Variants in SYT11 observed in about 807,000 individuals in gnomAD.
The protein encoded by SYT11 is synaptotagmin-11.
A neutral mutation model predicts 30.4 loss-of-function variants in SYT11; 12 were observed. That is an observed-to-expected ratio of 0.39 (90% confidence interval 0.25 to 0.64). SYT11 has a LOEUF of 0.64. Ranked by LOEUF, SYT11 falls within the 30% of genes least tolerant of loss-of-function variation. The pLI is 0.45. For synonymous variants in SYT11, 204 were observed against 216.0 expected (o/e 0.94, Z 0.49); for missense variants, 412 against 552.0 (o/e 0.75, Z 2.54).
In SYT11 at chr1:155,859,735, G is replaced by C. The variant is rs780996156; in HGVS notation, c.-27G>C. On this transcript the variant is annotated 5_prime_UTR_variant, in exon 1 of 4. Transcript: ENST00000368324. ...AGAGCTGTCTCACCATTGCAAAAAC[G>C]TTATAGCAACAGCCTCTGATTACGA... The C allele has an allele frequency of 8.1e-6, 13 of 1,613,594 alleles. No individual in the cohort carries two copies. The highest frequency in any genetic ancestry group is 1.3e-5 in the African/African-American group (1 of 75,026).
chr1:155,881,426 C>G lies in SYT11; in HGVS notation c.1214C>G (p.Ala405Gly). ...RLILGAHSVT[A>G]SGAEHWREVC... ...ATCCTGGGGGCACACAGTGTCACAG[C>G]CAGTGGTGCTGAACACTGGAGAGAG... The change falls in exon 4 of 4, where the codon GCC becomes GGC. Residue 405 changes from alanine (A) to glycine (G), a missense_variant. Transcript: ENST00000368324. The G allele has an allele frequency of 1.9e-6, 3 of 1,614,038 alleles. No individual in the cohort carries two copies. The highest frequency in any genetic ancestry group is 2.5e-6 in the Non-Finnish European group (3 of 1,179,988).
At chr1:155,874,478 T>TGTGACAG (rs1553226161) in intron 2 of SYT11, among the ~76,000 whole-genome samples, 1 of 151,484 alleles carries the variant, frequency 6.6e-6, no homozygotes, top group Admixed American at 6.6e-5. Context: ...CACATGCCTG[T>TGTGACAG]AGTCCCATCT....
chr1:155,872,650 G>A (rs949858219), intron 2 of SYT11, among the ~76,000 whole-genome samples: 1 of 152,180 alleles, frequency 6.6e-6, no homozygotes, highest in Non-Finnish European at 1.5e-5. Context: ...AGGCCAAGGG[G>A]CTGGGAAACA....
Position 155,873,400 on chromosome 1 carries a change from T to TG in SYT11, c.861+4611dup, listed in dbSNP as rs1277214182. Among the ~76,000 whole-genome samples, 4 of 152,098 alleles carry TG rather than the reference T, an allele frequency of 2.6e-5. No homozygotes were observed. The East Asian group carries it at 5.8e-4, about 22-fold the overall frequency. ...AAGATCACGCCACTGCACTCCAGCC[T>TG]GGCGACAGAGCAAGACTCCGTCTCA... On this transcript the variant is annotated intron_variant, in intron 2 of 3. Coordinates refer to ENST00000368324, the MANE Select transcript of SYT11 (RefSeq NM_152280.5).
At chr1:155,877,116 C>T (rs1672876483) in intron 2 of SYT11, among the ~76,000 whole-genome samples, 1 of 151,796 alleles carries the variant, frequency 6.6e-6, no homozygotes, top group Non-Finnish European at 1.5e-5. Flanking sequence ...TACAGGCACC[C>T]GCCACCATGC....
chr1:155,860,984 A>G lies in SYT11; in HGVS notation c.34+1189A>G, dbSNP rs1174661912. On this transcript the variant is annotated intron_variant, in intron 1 of 3. Transcript: ENST00000368324. This position sits in a 1 kb window ranked among gnomAD's most constrained non-coding sequence, Gnocchi z 4.1. ...TTCCTTCAGGGATTCTATCCCTCAG[A>G]CAATCCAGTAGGTTTGAGCATCGGG... 1.3e-5 allele frequency among the ~76,000 whole-genome samples: 2 copies of G among 152,154 alleles called. No individual in the cohort carries two copies. The highest frequency in any genetic ancestry group is 2.9e-5 in the Non-Finnish European group (2 of 68,018).
chr1:155,883,467 G>A lies in SYT11; in HGVS notation c.*1959G>A, dbSNP rs1673014121. The A allele has an allele frequency of 6.6e-6, 1 of 152,248 alleles. No individual in the cohort carries two copies. Among genetic ancestry groups the A allele is most frequent in the African/African-American group, 2.4e-5 (1 of 41,446 alleles). 9.4% of individuals were successfully genotyped at this position (152,248 alleles called of 1,614,324 possible). ...GGAGGATCATTTGAGCCCAGAGGTA[G>A]AGGCTGCAGTGAGCCATGATCATGC... On this transcript the variant is annotated 3_prime_UTR_variant, in exon 4 of 4. Transcript: ENST00000368324.
chr1:155,876,430 T>C (rs1672862320), intron 2 of SYT11, among the ~76,000 whole-genome samples: 1 of 151,448 alleles, frequency 6.6e-6, no homozygotes, highest in African/African-American at 2.4e-5. Flanking sequence ...GTATTTTTAG[T>C]AGAGATGGGG....
rs962155507 is a variant in SYT11 at position 155,883,614 on chromosome 1, A to C, written c.*2106A>C. 2.0e-5 allele frequency: 3 copies of C among 152,092 alleles called. No individual in the cohort carries two copies. The highest frequency in any genetic ancestry group is 7.2e-5 in the African/African-American group (3 of 41,410). 9.4% of individuals were successfully genotyped at this position (152,092 alleles called of 1,614,324 possible). Reference sequence around the variant, plus strand: ...GATATTTTTGCCCACCTGAGGAGGAACTCAGTCAAGCTGTTGCTTAACAGC... The same window carrying C: ...GATATTTTTGCCCACCTGAGGAGGACCTCAGTCAAGCTGTTGCTTAACAGC... On this transcript the variant is annotated 3_prime_UTR_variant, in exon 4 of 4. Coordinates refer to ENST00000368324, the MANE Select transcript of SYT11 (RefSeq NM_152280.5).
chr1:155,866,973 C>G, intron 1 of SYT11, among the ~76,000 whole-genome samples: 1 of 94,662 alleles, frequency 1.1e-5, no homozygotes, highest in Non-Finnish European at 2.8e-5. Context: ...CACATACACA[C>G]ACACACACAC....
chr1:155,877,698 C>T (rs1475798373), intron 2 of SYT11, among the ~76,000 whole-genome samples: 2 of 151,924 alleles, frequency 1.3e-5, no homozygotes, highest in African/African-American at 4.8e-5. Context: ...GGACTACAGG[C>T]GCCAGTCACC....
Position 155,868,559 on chromosome 1 carries a change from T to C in SYT11, c.629T>C (p.Val210Ala), listed in dbSNP as rs1325947548. The part of the protein sequence containing the change: ...MTILPDKRHR[V>A]KTRVLRKTLD... The stretch of plus-strand genomic sequence containing the variant: ...ATCCTTCCTGACAAACGGCATCGGG[T>C]GAAGACCAGAGTGCTGCGGAAGACC... The change falls in exon 2 of 4, where the codon GTG becomes GCG. Residue 210 changes from valine to alanine, a missense_variant. Physicochemically the swap from Val to Ala is moderately conservative, Grantham distance 64 (BLOSUM62 0). Coordinates refer to ENST00000368324, the MANE Select transcript of SYT11 (RefSeq NM_152280.5). This position sits in a 1 kb window ranked among gnomAD's most constrained non-coding sequence, Gnocchi z 4.7. 1 of 1,614,092 alleles carries C rather than the reference T, an allele frequency of 6.2e-7. No individual in the cohort carries two copies. Among genetic ancestry groups the C allele is most frequent in the Non-Finnish European group, 8.5e-7 (1 of 1,180,020 alleles).
In SYT11 at chr1:155,884,125, G is replaced by A. The variant is rs953458897; in HGVS notation, c.*2617G>A. On this transcript the variant is annotated 3_prime_UTR_variant, in exon 4 of 4. Coordinates refer to ENST00000368324, the MANE Select transcript of SYT11 (RefSeq NM_152280.5). ...AAAATTTAAATGGTTCCTCTTCATC[G>A]CCTTAATGTCTAAAGATCAGAAATC... 3.9e-5 allele frequency: 6 copies of A among 152,664 alleles called. No individual in the cohort carries two copies. The highest frequency in any genetic ancestry group is 1.4e-4 in the African/African-American group (6 of 41,420). The allele number at this position is 152,664 out of a possible 1,614,324, so 9.5% of individuals were successfully genotyped here.
At chr1:155,866,163 A>G (rs1672671651) in intron 1 of SYT11, among the ~76,000 whole-genome samples, 1 of 134,232 alleles carries the variant, frequency 7.4e-6, no homozygotes, top group African/African-American at 2.8e-5. Flanking sequence ...CCCAGGCTGG[A>G]GTGCAGTGGC....
At position 155,885,127 on chromosome 1, in the gene SYT11, G is replaced by C. The variant is rs1276744403; in HGVS notation, c.*3619G>C. ...GTAATGCTAATCTACAATATGTAATGCTATCTTGTATGTTGAATTTGTTAA... is the reference window on the plus strand; with the variant it reads ...GTAATGCTAATCTACAATATGTAATCCTATCTTGTATGTTGAATTTGTTAA... On this transcript the variant is annotated 3_prime_UTR_variant, in exon 4 of 4. Coordinates refer to ENST00000368324, the MANE Select transcript of SYT11 (RefSeq NM_152280.5). 2.6e-5 allele frequency: 4 copies of C among 152,436 alleles called. No individual in the cohort carries two copies. The highest frequency in any genetic ancestry group is 9.7e-5 in the African/African-American group (4 of 41,400). The allele number at this position is 152,436 out of a possible 1,614,324, so 9.4% of individuals were successfully genotyped here.
Position 155,881,260 on chromosome 1 carries a change from G to T in SYT11, c.1048G>T (p.Val350Leu). Residue 350 changes from valine to leucine, a missense_variant, in exon 4 of 4, where the codon GTG becomes TTG. Coordinates refer to ENST00000368324, the MANE Select transcript of SYT11 (RefSeq NM_152280.5). The stretch of plus-strand genomic sequence containing the variant: ...GCGCATTGCCAAGAAGAAAACCCAT[G>T]TGAAGAAGTGCACTTTGAACCCCAT... ...RKRIAKKKTH[V>L]KKCTLNPIFN... 6.2e-7 allele frequency: 1 copy of T among 1,614,220 alleles called. No homozygotes were observed. The highest frequency in any genetic ancestry group is 8.5e-7 in the Non-Finnish European group (1 of 1,180,042).
rs544452284 is a variant in SYT11 at position 155,878,882 on chromosome 1, A to C, written c.862-1618A>C. Among the ~76,000 whole-genome samples, 30 of 151,448 alleles carry C rather than the reference A, an allele frequency of 2.0e-4. No homozygotes were observed. The South Asian group carries it at 6.1e-3, about 31-fold the overall frequency. The stretch of plus-strand genomic sequence containing the variant: ...AGACTCTGTCTCAAAAAATAAAATT[A>C]AAAAATAAATAAATAAATTAATTAA... On this transcript the variant is annotated intron_variant, in intron 2 of 3. Coordinates refer to ENST00000368324, the MANE Select transcript of SYT11 (RefSeq NM_152280.5).
intron 2 of SYT11, among the ~76,000 whole-genome samples, chr1:155,876,816 C>T (rs1399239040): frequency 2.0e-5 from 3 of 152,026 alleles, no homozygotes; most frequent in Non-Finnish European, 4.4e-5. Flanking sequence ...GATGGAGTCT[C>T]ACTCTGTCGC....
chr1:155,868,210 C>A lies in SYT11; in HGVS notation c.280C>A (p.Leu94Met), dbSNP rs370384382. ...GPGREGGRRN[L>M]LVDAAEAGLL... Reference sequence around the variant, plus strand: ...TGGGAGGGAAGGTGGACGTAGGAACCTGTTGGTGGACGCAGCAGAGGCTGG... The same window carrying A: ...TGGGAGGGAAGGTGGACGTAGGAACATGTTGGTGGACGCAGCAGAGGCTGG... The change falls in exon 2 of 4, where the codon CTG (leucine) becomes ATG (methionine). Residue 94 changes from leucine to methionine, a missense_variant. Coordinates refer to ENST00000368324, the MANE Select transcript of SYT11 (RefSeq NM_152280.5). This position sits in a 1 kb window ranked among gnomAD's most constrained non-coding sequence, Gnocchi z 4.7. 2.4e-5 allele frequency: 38 copies of A among 1,613,960 alleles called. No individual in the cohort carries two copies. The highest frequency in any genetic ancestry group is 3.3e-5 in the Admixed American group (2 of 59,980).
Sources: allele counts gnomAD v4.1 joint callset (sites outside exome capture counted in the v4.1 genomes callset), GRCh38; gene constraint gnomAD v4.1.1; non-coding constraint Gnocchi (gnomAD v3.1); transcripts MANE v1.5; gene names NCBI Gene and HGNC (gene_info 2026-07-23, HGNC 2026-07-21).